FGF1: variants seen among roughly 807,000 people sequenced by gnomAD.
FGF1 encodes the protein beta-endothelial cell growth factor.
In FGF1, 9 loss-of-function variants were observed where a neutral mutation model predicts 13.4. That is an observed-to-expected ratio of 0.67 (90% confidence interval 0.40 to 1.17). FGF1 has a LOEUF of 1.17. Ranked by LOEUF, FGF1 falls within the 50% of genes most tolerant of loss-of-function variation. The pLI, the probability that FGF1 is intolerant of heterozygous loss-of-function variation, is 0.01. For missense variants in FGF1, 156 were observed against 192.7 expected (o/e 0.81, Z 1.13); for synonymous variants, 93 against 79.0 (o/e 1.18, Z -0.94).
intron 1 of FGF1, among the ~76,000 whole-genome samples, chr5:142,670,874 A>T (rs1771335020): frequency 6.6e-6 from 1 of 152,186 alleles, no homozygotes; most frequent in African/African-American, 2.4e-5. Flanking sequence ...TTGCACATAC[A>T]CTAAGATGTT....
chr5:142,602,786 T>C (rs1756864359), intron 2 of FGF1, among the ~76,000 whole-genome samples: 1 of 152,236 alleles, frequency 6.6e-6, no homozygotes, highest in Non-Finnish European at 1.5e-5. Context: ...AACTTCTTTC[T>C]TCTTGCTGAT....
chr5:142,613,123 T>C (rs1759429772), intron 2 of FGF1, among the ~76,000 whole-genome samples: 1 of 152,244 alleles, frequency 6.6e-6, no homozygotes, highest in Admixed American at 6.5e-5. Context: ...TTAGGCTTCT[T>C]TGTAACCTCT....
At chr5:142,672,455 T>A (rs1458474380) in intron 1 of FGF1, among the ~76,000 whole-genome samples, 1 of 151,544 alleles carries the variant, frequency 6.6e-6, no homozygotes, top group Non-Finnish European at 1.5e-5. Flanking sequence ...ACATCCCTGC[T>A]CTGCTAACGT....
At chr5:142,608,952 C>CCT (rs1561539984) in intron 2 of FGF1, among the ~76,000 whole-genome samples, 111 of 151,856 alleles carry the variant, frequency 7.3e-4, no homozygotes, top group African/African-American at 2.6e-3. Context: ...CTGGAGACCT[C>CCT]CCCTTCTCTC....
chr5:142,684,221 T>C (rs1774267036), intron 1 of FGF1, among the ~76,000 whole-genome samples: 1 of 152,180 alleles, frequency 6.6e-6, no homozygotes, highest in Non-Finnish European at 1.5e-5. Flanking sequence ...AGATGAGATG[T>C]CCCTTCAATG....
rs535587634 is a variant in FGF1 at position 142,594,864 on chromosome 5, C to T, written c.*426G>A. On this transcript the variant is annotated 3_prime_UTR_variant, in exon 4 of 4. Transcript: ENST00000337706. ...AGCTTCTTTGCTAATATTTGCAGGG[C>T]ACAGGAAGGACAAAAGGGAGCCATG... 47 of 155,740 alleles carry T rather than the reference C, an allele frequency of 3.0e-4. No individual in the cohort carries two copies. The highest frequency in any genetic ancestry group is 1.6e-3 in the South Asian group (8 of 4,932). 9.6% of individuals were successfully genotyped at this position (155,740 alleles called of 1,614,324 possible).
chr5:142,677,397 C>T (rs1236168533), intron 1 of FGF1, among the ~76,000 whole-genome samples: 1 of 152,090 alleles, frequency 6.6e-6, no homozygotes, highest in Admixed American at 6.5e-5. Context: ...TCTTTGATGC[C>T]CATCAGCCAA....
intron 1 of FGF1, among the ~76,000 whole-genome samples, chr5:142,640,427 G>GGT (rs1357857522): frequency 2.0e-4 from 9 of 45,132 alleles, no homozygotes; most frequent in Admixed American, 4.6e-4. Flanking sequence ...GGAGTATGGT[G>GGT]GGGGGGGGGG....
At chr5:142,661,939 G>C (rs901550317) in intron 1 of FGF1, among the ~76,000 whole-genome samples, 3 of 151,896 alleles carry the variant, frequency 2.0e-5, no homozygotes, top group Non-Finnish European at 4.4e-5. Context: ...GGGGGTGGAG[G>C]TTGCAGTGAG....
At chr5:142,671,459 A>C (rs1771446959) in intron 1 of FGF1, among the ~76,000 whole-genome samples, 1 of 152,232 alleles carries the variant, frequency 6.6e-6, no homozygotes, top group Admixed American at 6.5e-5. Context: ...CACAGCTGCT[A>C]CATAGAAAGG....
At chr5:142,619,867 C>T (rs982023404) in intron 1 of FGF1, among the ~76,000 whole-genome samples, 1 of 151,456 alleles carries the variant, frequency 6.6e-6, no homozygotes, top group Non-Finnish European at 1.5e-5. Flanking sequence ...AAAACAAAAC[C>T]CTGTGCTATT....
intron 2 of FGF1, 120 bp downstream of exon 2, chr5:142,613,839 T>A: frequency 9.6e-7 from 1 of 1,036,998 alleles, no homozygotes; most frequent in Non-Finnish European, 1.4e-6. Flanking sequence ...CCTCTGAATG[T>A]GTCATGCCTG....
intron 2 of FGF1, among the ~76,000 whole-genome samples, chr5:142,607,430 T>C (rs1167130030): frequency 6.6e-6 from 1 of 152,222 alleles, no homozygotes; most frequent in Non-Finnish European, 1.5e-5. Context: ...CAAGTACTTT[T>C]TGAAAAACAA....
In FGF1 at chr5:142,684,322, C is replaced by T. The variant is rs181902126; in HGVS notation, c.-35+1635G>A. ...TCACCTGTAAAGTCAAACCACTTAA[C>T]CAGATATGGCTTCCTTGATCCTTTG... On this transcript the variant is annotated intron_variant, in intron 1 of 3. Coordinates refer to ENST00000337706, the MANE Select transcript of FGF1 (RefSeq NM_000800.5). Among the ~76,000 whole-genome samples, 300 of 152,316 alleles carry T rather than the reference C, an allele frequency of 2.0e-3. 1 individual carries two copies. The highest frequency in any genetic ancestry group is 3.4e-3 in the Middle Eastern group (1 of 294).
At position 142,613,697 on chromosome 5, in the gene FGF1, C is replaced by G. The variant is rs17217254; in HGVS notation, c.169+262G>C. Reference sequence around the variant, plus strand: ...TGGGAAAACATACAGCAATTGAGCACCGGCAGCCCGTTCTGTTGGGTCAGC... The same window carrying G: ...TGGGAAAACATACAGCAATTGAGCAGCGGCAGCCCGTTCTGTTGGGTCAGC... On this transcript the variant is annotated intron_variant, in intron 2 of 3. Transcript: ENST00000337706. Among the ~76,000 whole-genome samples, 412 of 152,316 alleles carry G rather than the reference C, an allele frequency of 2.7e-3. 3 individuals are homozygous for G. Among genetic ancestry groups the G allele is most frequent in the African/African-American group, 9.3e-3 (388 of 41,560 alleles).
At chr5:142,598,277 T>C (rs1755724666) in intron 3 of FGF1, among the ~76,000 whole-genome samples, 1 of 151,944 alleles carries the variant, frequency 6.6e-6, no homozygotes, top group Non-Finnish European at 1.5e-5. Flanking sequence ...ACTGGAGGAG[T>C]TGACACACAC....
rs898082298 is a variant in FGF1, at chr5:142,654,948, G to A, written c.-35+31009C>T. Among the ~76,000 whole-genome samples the A allele has an allele frequency of 2.2e-4, 34 of 152,236 alleles. 1 individual carries two copies. Among genetic ancestry groups the A allele is most frequent in the Admixed American group, 2.2e-3 (34 of 15,290 alleles). ...TTGATGAAGATAGAGCCAGGTAACCGCAGGCTCCCACATCCAAACAGGGCC... is the reference window on the plus strand; with the variant it reads ...TTGATGAAGATAGAGCCAGGTAACCACAGGCTCCCACATCCAAACAGGGCC... On this transcript the variant is annotated intron_variant, in intron 1 of 3. Transcript: ENST00000337706.
At chr5:142,692,096 T>C (rs1033584238) in intron 2 of FGF1, among the ~76,000 whole-genome samples, 2 of 152,156 alleles carry the variant, frequency 1.3e-5, no homozygotes, top group African/African-American at 4.8e-5. Flanking sequence ...TTTGAGAGGC[T>C]GAAGCAGGCA....
chr5:142,637,666 C>G (rs1298151410), intron 1 of FGF1, among the ~76,000 whole-genome samples: 5 of 151,974 alleles, frequency 3.3e-5, no homozygotes, highest in Non-Finnish European at 7.3e-5. Flanking sequence ...GCCAGAGCTC[C>G]CTCATTGCCT....
Sources: gnomAD v4.1 joint callset for allele counts (sites outside exome capture counted in the v4.1 genomes callset) on GRCh38, gnomAD v4.1.1 for gene constraint, MANE v1.5 for transcripts, NCBI Gene and HGNC (gene_info 2026-07-23, HGNC 2026-07-21) for gene names.